The following PHF14 variants were observed in gnomAD, a reference collection of about 807,000 sequenced individuals.
The protein encoded by PHF14 is PHD finger protein 14.
Under a neutral mutation model 117.9 loss-of-function variants are expected in PHF14, and 55 were observed. The ratio of observed to expected loss-of-function variants is 0.47; its 90% CI spans 0.38 to 0.58. The LOEUF (loss-of-function observed/expected upper bound fraction) is 0.58. Among genes scored for constraint, PHF14 ranks in the 20% least tolerant of loss-of-function variants. The pLI, the probability that PHF14 is intolerant of heterozygous loss-of-function variation, is 0.00. For missense variants in PHF14, 978 were observed against 1,122.2 expected (o/e 0.87, Z 1.84); for synonymous variants, 409 against 368.6 (o/e 1.11, Z -1.26).
In PHF14 at chr7:10,973,998, A is replaced by G. The variant is rs967375925; in HGVS notation, c.-326A>G. 1.0e-5 allele frequency: 3 copies of G among 291,822 alleles called. No homozygotes were observed. Among genetic ancestry groups the G allele is most frequent in the African/African-American group, 6.6e-5 (3 of 45,338 alleles). 18.1% of individuals were successfully genotyped at this position (291,822 alleles called of 1,614,324 possible). On this transcript the variant is annotated 5_prime_UTR_variant, in exon 1 of 18. Coordinates refer to ENST00000634607, the MANE Select transcript of PHF14 (RefSeq NM_001007157.2). ...GGCTAATAAAGTTTTTCTTTCTTTAATTTTTTTTCTTCTAGTTTTAACGGG... is the reference window on the plus strand; with the variant it reads ...GGCTAATAAAGTTTTTCTTTCTTTAGTTTTTTTTCTTCTAGTTTTAACGGG...
At chr7:11,104,412 T>C (rs970157910) in intron 16 of PHF14, 4 of 952,538 alleles carry the variant, frequency 4.2e-6, no homozygotes, top group Admixed American at 6.2e-5. Context: ...TGCTCTCATA[T>C]CCACAGTATA....
At chr7:11,110,010 A>C (rs1787389656) in intron 16 of PHF14, 1 of 151,866 alleles carries the variant, frequency 6.6e-6, no homozygotes, top group Non-Finnish European at 1.5e-5. Context: ...AACTTAATTA[A>C]GTTGCTTAAC....
intron 2 of PHF14, among the ~76,000 whole-genome samples, chr7:10,981,156 A>G (rs1485287472): frequency 6.6e-6 from 1 of 152,146 alleles, no homozygotes; most frequent in Non-Finnish European, 1.5e-5. Flanking sequence ...GCTTCCTTCA[A>G]TTTTAGTGCT....
chr7:11,012,149 G>A (rs955814014), intron 4 of PHF14, among the ~76,000 whole-genome samples: 2 of 152,152 alleles, frequency 1.3e-5, no homozygotes, highest in Non-Finnish European at 2.9e-5. Context: ...ATCAAAACCT[G>A]ATTTACCAAG....
intron 4 of PHF14, among the ~76,000 whole-genome samples, chr7:10,992,254 A>G (rs1456951219): frequency 6.7e-5 from 10 of 150,298 alleles, no homozygotes; most frequent in African/African-American, 1.9e-4. Flanking sequence ...GGGTTTCACC[A>G]TGTTGGCCAG....
chr7:11,161,875 T>C lies in PHF14; in HGVS notation c.2773-7541T>C, dbSNP rs372270930. ...TTACCAATGTAGGAGCCTCTTAATA[T>C]AGATTTCTAGCATACACTTCATGCG... On this transcript the variant is annotated intron_variant, in intron 17 of 17. Transcript: ENST00000634607. Among the ~76,000 whole-genome samples, 4 of 150,378 alleles carry C rather than the reference T, an allele frequency of 2.7e-5. No individual in the cohort carries two copies. The East Asian group carries it at 5.8e-4, about 22-fold the overall frequency.
intron 13 of PHF14, among the ~76,000 whole-genome samples, chr7:11,045,822 A>G (rs576459198): frequency 6.6e-6 from 1 of 152,340 alleles, no homozygotes; most frequent in South Asian, 2.1e-4. Context: ...ACCTGGGATG[A>G]TGATGGGCTC....
At chr7:11,077,599 T>TTA (rs1554268795) in intron 16 of PHF14, among the ~76,000 whole-genome samples, 2 of 105,064 alleles carry the variant, frequency 1.9e-5, no homozygotes, top group African/African-American at 7.9e-5. Context: ...GACTCTGTCT[T>TTA]AAAAAAAAAA....
chr7:11,147,371 A>C (rs1383102304), intron 17 of PHF14, among the ~76,000 whole-genome samples: 1 of 152,180 alleles, frequency 6.6e-6, no homozygotes, highest in Non-Finnish European at 1.5e-5. Flanking sequence ...TGGCTGCTAC[A>C]ACTCCAGTTA....
intron 3 of PHF14, among the ~76,000 whole-genome samples, chr7:10,988,597 C>A (rs1395640143): frequency 7.2e-6 from 1 of 137,936 alleles, no homozygotes; most frequent in Non-Finnish European, 1.5e-5. Flanking sequence ...TTTGGACTTA[C>A]CGTGGGGATG....
chr7:11,058,023 A>G (rs1785080212), intron 14 of PHF14, among the ~76,000 whole-genome samples: 1 of 152,348 alleles, frequency 6.6e-6, no homozygotes, highest in East Asian at 1.9e-4. Context: ...TGGAATTTCC[A>G]GGTAACGTAT....
At chr7:11,062,952 G>A (rs1348056128) in intron 16 of PHF14, 6 of 948,676 alleles carry the variant, frequency 6.3e-6, no homozygotes, top group Non-Finnish European at 7.5e-6. Context: ...ATTAACTGAG[G>A]ACACAGAAAT....
rs1480714484 is a variant in PHF14 at position 11,075,584 on chromosome 7, TTTTTTTA to T, written c.2654+13502_2654+13508del. 1.7e-3 allele frequency among the ~76,000 whole-genome samples: 256 copies of T among 147,714 alleles called. 1 individual carries two copies. Among genetic ancestry groups the T allele is most frequent in the Middle Eastern group, 3.5e-3 (1 of 288 alleles). The stretch of plus-strand genomic sequence containing the variant: ...AAGAGGTTTTTTTTTTTTTTTTTTT[TTTTTTTA>T]TTATTATGCCATTCATGAGGGTTCT... On this transcript the variant is annotated intron_variant, in intron 16 of 17. Coordinates refer to ENST00000634607, the MANE Select transcript of PHF14 (RefSeq NM_001007157.2).
chr7:11,030,386 A>T (rs1784081423), intron 7 of PHF14, among the ~76,000 whole-genome samples: 1 of 152,038 alleles, frequency 6.6e-6, no homozygotes, highest in South Asian at 2.1e-4. Context: ...GAGCCAGTGG[A>T]GAGCTTTCTT....
At chr7:11,025,512 A>G (rs1783875998) in intron 6 of PHF14, among the ~76,000 whole-genome samples, 1 of 152,178 alleles carries the variant, frequency 6.6e-6, no homozygotes, top group Non-Finnish European at 1.5e-5. Context: ...AGAACTTGCC[A>G]GCCGGGCACG....
At chr7:11,091,812 A>G (rs1786650803) in intron 16 of PHF14, among the ~76,000 whole-genome samples, 1 of 152,146 alleles carries the variant, frequency 6.6e-6, no homozygotes, top group African/African-American at 2.4e-5. Context: ...AATAAATTTG[A>G]TAACTGTTAA....
intron 3 of PHF14, among the ~76,000 whole-genome samples, chr7:10,989,255 G>A (rs866971704): frequency 5.3e-5 from 8 of 152,228 alleles, no homozygotes; most frequent in Middle Eastern, 3.4e-3. Flanking sequence ...TGACCTTCAA[G>A]TGTATTCAAG....
intron 17 of PHF14, among the ~76,000 whole-genome samples, chr7:11,165,672 C>T (rs1052775766): frequency 1.3e-5 from 2 of 152,034 alleles, no homozygotes; most frequent in Non-Finnish European, 2.9e-5. Context: ...GAGTTGGTTA[C>T]GTCCTAAGAG....
intron 7 of PHF14, 74 bp from the exon 8 acceptor site, chr7:11,035,563 ATAT>A (rs1218524879): frequency 1.2e-6 from 1 of 823,314 alleles, no homozygotes; most frequent in Admixed American, 3.0e-5. Context: ...AAAGGAAGTA[ATAT>A]TCTTTTGTGT....
Sources: allele counts gnomAD v4.1 joint callset (sites outside exome capture counted in the v4.1 genomes callset), GRCh38; gene constraint gnomAD v4.1.1; transcripts MANE v1.5; gene names NCBI Gene and HGNC (gene_info 2026-07-23, HGNC 2026-07-21).